MRTFA: variants seen among roughly 807,000 people sequenced by gnomAD.
MRTFA encodes the protein myocardin related transcription factor A.
Under a neutral mutation model 83.5 loss-of-function variants are expected in MRTFA, and 20 were observed. The ratio of observed to expected loss-of-function variants is 0.24; its 90% CI spans 0.17 to 0.35. The LOEUF is 0.35. MRTFA is among the 10% of genes least tolerant of loss of function. The pLI is 1.00. For missense variants in MRTFA, 1,200 were observed against 1,224.7 expected (o/e 0.98, Z 0.30); for synonymous variants, 659 against 541.2 (o/e 1.22, Z -3.02).
chr22:40,587,607 A>G, intron 2 of MRTFA: 1 of 305,982 alleles, frequency 3.3e-6, no homozygotes, highest in Non-Finnish European at 6.5e-6. Flanking sequence ...CTGGTAAGGC[A>G]GAGGCAGCCA....
At chr22:40,595,116 C>CTTTT (rs778797295) in intron 1 of MRTFA, among the ~76,000 whole-genome samples, 10 of 119,260 alleles carry the variant, frequency 8.4e-5, no homozygotes, top group African/African-American at 1.9e-4. Context: ...TGATAAATGC[C>CTTTT]TTTTTTTTTT....
At chr22:40,417,187 A>T in intron 13 of MRTFA, 141 bp from the exon 14 acceptor site, 1 of 1,359,270 alleles carries the variant, frequency 7.4e-7, no homozygotes, top group Non-Finnish European at 1.0e-6. Flanking sequence ...GGACTCCTGG[A>T]GCCCGTCCCC....
chr22:40,418,578 G>C lies in MRTFA; in HGVS notation c.2160C>G (p.Ser720=). ...GCAAGGCTTCCTGCTTCACCACCAC[G>C]GACGGGGGCCCCGGGGCCACAGCAC... is the stretch of plus-strand genomic sequence containing the variant. Residue 720 remains serine (S), a synonymous_variant, in exon 12 of 15, where the codon TCC becomes TCG. Coordinates refer to ENST00000355630, the MANE Select transcript of MRTFA (RefSeq NM_020831.6). 2 of 1,554,366 alleles carry C rather than the reference G, an allele frequency of 1.3e-6. No homozygotes were observed. The highest frequency in any genetic ancestry group is 1.2e-5 in the South Asian group (1 of 80,404).
intron 7 of MRTFA, among the ~76,000 whole-genome samples, chr22:40,425,331 T>TC (rs1480406047): frequency 6.6e-6 from 1 of 152,238 alleles, no homozygotes; most frequent in African/African-American, 2.4e-5. Context: ...TCTGAGCTGA[T>TC]CTGCCATCCA....
intron 2 of MRTFA, among the ~76,000 whole-genome samples, chr22:40,592,867 C>T (rs550806495): frequency 6.6e-6 from 1 of 152,228 alleles, no homozygotes; most frequent in South Asian, 2.1e-4. Flanking sequence ...GGGGAATTTT[C>T]TTGGTATTTT....
intron 3 of MRTFA, among the ~76,000 whole-genome samples, chr22:40,494,481 A>G (rs537543405): frequency 6.6e-6 from 1 of 152,200 alleles, no homozygotes; most frequent in South Asian, 2.1e-4. Flanking sequence ...GGAGTTCAAG[A>G]CCAACCAGGG....
At chr22:40,503,951 T>A (rs976511330) in intron 3 of MRTFA, among the ~76,000 whole-genome samples, 3 of 152,056 alleles carry the variant, frequency 2.0e-5, no homozygotes, top group African/African-American at 7.2e-5. Context: ...CCCAGGATAC[T>A]TAAAAAATAA....
chr22:40,474,068 T>C (rs777515212), intron 3 of MRTFA, among the ~76,000 whole-genome samples: 1 of 152,176 alleles, frequency 6.6e-6, no homozygotes, highest in Non-Finnish European at 1.5e-5. Flanking sequence ...TAAACAACTA[T>C]AGGTTGGCAC....
At chr22:40,521,816 T>C (rs1221112969) in intron 3 of MRTFA, 1 of 150,776 alleles carries the variant, frequency 6.6e-6, no homozygotes, top group Non-Finnish European at 1.5e-5. Flanking sequence ...ATTTTTGGGA[T>C]GGTACAAGGT....
chr22:40,419,860 CTA>C (rs928151685), intron 11 of MRTFA, among the ~76,000 whole-genome samples: 1 of 152,224 alleles, frequency 6.6e-6, no homozygotes, highest in African/African-American at 2.4e-5. Context: ...CTCCAAGGCC[CTA>C]GGATGGAAGC....
chr22:40,465,476 AT>A (rs1182439841), intron 3 of MRTFA, among the ~76,000 whole-genome samples: 12 of 152,196 alleles, frequency 7.9e-5, no homozygotes, highest in African/African-American at 2.9e-4. Context: ...GCTGACACTT[AT>A]GACGCACGTA....
intron 3 of MRTFA, among the ~76,000 whole-genome samples, chr22:40,477,349 C>A (rs2147178472): frequency 6.6e-6 from 1 of 151,114 alleles, no homozygotes; most frequent in South Asian, 2.1e-4. Context: ...GACTCGGTCT[C>A]AAAATAAAAA....
chr22:40,459,215 G>C (rs2053650570), intron 4 of MRTFA, among the ~76,000 whole-genome samples: 1 of 133,688 alleles, frequency 7.5e-6, no homozygotes, highest in Admixed American at 8.3e-5. Context: ...GTGAGGGAGG[G>C]TTACTCACTA....
rs774276055 is a variant in MRTFA at position 40,431,491 on chromosome 22, A to C, written c.364-11T>G. On this transcript the variant is annotated splice_polypyrimidine_tract_variant and intron_variant, in intron 5 of 14. Coordinates refer to ENST00000355630, the MANE Select transcript of MRTFA (RefSeq NM_020831.6). ...GAGATAGTCCTCTGTCTACAGAAAA[A>C]ACACACCAAGAAACTCTCAAATCCA... 1.2e-6 allele frequency: 2 copies of C among 1,613,408 alleles called. No homozygotes were observed. Among genetic ancestry groups the C allele is most frequent in the Admixed American group, 3.3e-5 (2 of 60,008 alleles).
Position 40,410,692 on chromosome 22 carries a change from C to G in MRTFA, c.*698G>C. 4.3e-6 allele frequency: 1 copy of G among 233,402 alleles called. No individual in the cohort carries two copies. Among genetic ancestry groups the G allele is most frequent in the Non-Finnish European group, 8.5e-6 (1 of 117,962 alleles). 14.5% of individuals were successfully genotyped at this position (233,402 alleles called of 1,614,324 possible). ...GCTGCATGCCAGACTGGGCACCAGA[C>G]TGTGGCACACAGCTCAAGGGTAACC... On this transcript the variant is annotated 3_prime_UTR_variant, in exon 15 of 15. Coordinates refer to ENST00000355630, the MANE Select transcript of MRTFA (RefSeq NM_020831.6).
chr22:40,526,665 G>A (rs746468826), intron 3 of MRTFA: 9 of 152,268 alleles, frequency 5.9e-5, no homozygotes, highest in Middle Eastern at 6.8e-3. Context: ...TAATGTAATC[G>A]TGTTTAAACT....
intron 10 of MRTFA, 114 bp from the exon 11 acceptor site, chr22:40,420,690 A>C: frequency 6.5e-7 from 1 of 1,537,886 alleles, no homozygotes; most frequent in Non-Finnish European, 8.8e-7. Flanking sequence ...GCAAGGGCCC[A>C]GCAAAGGCTA....
At chr22:40,592,624 G>A (rs2056138204) in intron 2 of MRTFA, among the ~76,000 whole-genome samples, 1 of 151,902 alleles carries the variant, frequency 6.6e-6, no homozygotes, top group Admixed American at 6.6e-5. Flanking sequence ...TAGCAAATGG[G>A]ACTACAGGCA....
At chr22:40,528,434 T>A (rs2055016589) in intron 3 of MRTFA, among the ~76,000 whole-genome samples, 2 of 152,030 alleles carry the variant, frequency 1.3e-5, no homozygotes, top group Admixed American at 1.3e-4. Flanking sequence ...AACTCTAAAA[T>A]CCCTTAAATA....
Sources: gnomAD v4.1 joint callset for allele counts (sites outside exome capture counted in the v4.1 genomes callset) on GRCh38, gnomAD v4.1.1 for gene constraint, MANE v1.5 for transcripts, NCBI Gene and HGNC (gene_info 2026-07-23, HGNC 2026-07-21) for gene names.